PCDH15: variants seen among roughly 807,000 people sequenced by gnomAD.
PCDH15 encodes the protein protocadherin related 15, also known as protocadherin-15.
PCDH15 carries 129 observed loss-of-function variants against 178.5 expected under a neutral mutation model. That is an observed-to-expected ratio of 0.72 (90% CI 0.63 to 0.84). PCDH15 has a LOEUF of 0.84. Among genes scored for constraint, PCDH15 ranks in the 40% least tolerant of loss-of-function variants. The pLI is 0.00. For synonymous variants in PCDH15, 800 were observed against 732.0 expected, an observed-to-expected ratio of 1.09 and a Z score of -1.50; for missense variants, 2,230 against 2,099.9, an observed-to-expected ratio of 1.06 and a Z score of -1.21.
chr10:55,318,299 G>A (rs1044059702), intron 1 of PCDH15, among the ~76,000 whole-genome samples: 2 of 151,994 alleles, frequency 1.3e-5, no homozygotes, highest in Admixed American at 6.6e-5. Context: ...TCAAACTACA[G>A]GACAAATAAT....
intron 2 of PCDH15, among the ~76,000 whole-genome samples, chr10:55,528,284 T>C (rs182665803): frequency 0.011 from 1,660 of 152,148 alleles, 35 homozygotes; most frequent in African/African-American, 0.038. Flanking sequence ...CGTGCAGGTT[T>C]GTTACATATG....
intron 2 of PCDH15, among the ~76,000 whole-genome samples, chr10:55,378,146 G>A (rs967407167): frequency 3.3e-5 from 5 of 151,962 alleles, no homozygotes; most frequent in African/African-American, 7.2e-5. Context: ...ACCATGGCAC[G>A]TTTATACCTA....
At chr10:54,376,790 A>G (rs1948511257) in intron 4 of PCDH15, among the ~76,000 whole-genome samples, 1 of 151,958 alleles carries the variant, frequency 6.6e-6, no homozygotes, top group Non-Finnish European at 1.5e-5. Flanking sequence ...CGAGAGGACC[A>G]TTTAGTAAAA....
At chr10:53,864,698 C>T (rs567495977) in intron 27 of PCDH15, among the ~76,000 whole-genome samples, 1 of 152,076 alleles carries the variant, frequency 6.6e-6, no homozygotes, top group East Asian at 1.9e-4. Flanking sequence ...TTTAATAAAT[C>T]CCTGCTTTCC....
At chr10:54,848,582 A>G (rs1953554694) in intron 3 of PCDH15, among the ~76,000 whole-genome samples, 1 of 152,026 alleles carries the variant, frequency 6.6e-6, no homozygotes, top group Non-Finnish European at 1.5e-5. Flanking sequence ...TGCCTCCTCC[A>G]TCTTGGACTT....
Position 54,698,761 on chromosome 10 carries a change from A to G in PCDH15, c.-28-34471T>C, listed in dbSNP as rs764732159. Among the ~76,000 whole-genome samples the G allele has an allele frequency of 5.3e-5, 8 of 152,134 alleles. No individual in the cohort carries two copies. In the East Asian group the frequency reaches 1.3e-3, roughly 26 times the overall value. ...GTTCTAACATTATGCCTGGCACATG[A>G]TAGCCAACATTTACCTAGTGCCTTC... On this transcript the variant is annotated intron_variant, in intron 1 of 37. Coordinates refer to ENST00000644397, the MANE Select transcript of PCDH15 (RefSeq NM_001384140.1).
At chr10:54,919,389 T>C (rs16906694) in intron 2 of PCDH15, among the ~76,000 whole-genome samples, 8,670 of 152,230 alleles carry the variant, frequency 0.057, 792 homozygotes, top group African/African-American at 0.19. Context: ...CAATCTCTAT[T>C]AGCCTGAAAG....
intron 1 of PCDH15, among the ~76,000 whole-genome samples, chr10:55,252,324 T>A (rs768394609): frequency 4.6e-5 from 7 of 152,130 alleles, no homozygotes; most frequent in Non-Finnish European, 1.0e-4. Context: ...CCAACCATTC[T>A]TCAGTTATAT....
chr10:53,950,207 A>T (rs910247638), intron 23 of PCDH15, among the ~76,000 whole-genome samples: 1 of 152,004 alleles, frequency 6.6e-6, no homozygotes, highest in African/African-American at 2.4e-5. Context: ...AGAAATTGAA[A>T]AGGACTTATA....
intron 2 of PCDH15, among the ~76,000 whole-genome samples, chr10:55,083,566 T>C (rs1733750): frequency 0.41 from 62,397 of 151,542 alleles, 16,138 homozygotes; most frequent in African/African-American, 0.74. Flanking sequence ...CTAATTAGTG[T>C]AATCAGACAA....
chr10:54,253,416 C>T (rs1177895118), intron 8 of PCDH15, among the ~76,000 whole-genome samples: 1 of 151,926 alleles, frequency 6.6e-6, no homozygotes, highest in Non-Finnish European at 1.5e-5. Flanking sequence ...ACACTGTAGA[C>T]CCTACATGTA....
At chr10:54,014,800 A>G (rs973745223) in intron 20 of PCDH15, among the ~76,000 whole-genome samples, 3 of 152,170 alleles carry the variant, frequency 2.0e-5, no homozygotes, top group African/African-American at 7.2e-5. Context: ...TGCACAGCCA[A>G]CGTCACACTG....
chr10:53,810,508 A>G (rs931013327), intron 37 of PCDH15, 48 bp downstream of exon 37: 5 of 1,546,430 alleles, frequency 3.2e-6, no homozygotes, highest in South Asian at 1.1e-5. Flanking sequence ...GGGTTAAACA[A>G]TATTTTTCTT....
At chr10:55,337,715 T>C (rs1222983062) in intron 2 of PCDH15, among the ~76,000 whole-genome samples, 1 of 152,220 alleles carries the variant, frequency 6.6e-6, no homozygotes, top group Non-Finnish European at 1.5e-5. Context: ...TTGTAGGACA[T>C]GACCTTTTCA....
At chr10:53,812,231 G>A (rs1295054302) in intron 35 of PCDH15, among the ~76,000 whole-genome samples, 1 of 152,028 alleles carries the variant, frequency 6.6e-6, no homozygotes, top group African/African-American at 2.4e-5. Context: ...TTTTTGAGAC[G>A]GAGTCTCGCT....
intron 1 of PCDH15, among the ~76,000 whole-genome samples, chr10:54,726,162 C>G (rs372664331): frequency 6.6e-6 from 1 of 151,230 alleles, no homozygotes; most frequent in Non-Finnish European, 1.5e-5. Context: ...TTTTATAACC[C>G]TTTCTAAAAA....
chr10:54,321,710 G>GT (rs1239564094), intron 7 of PCDH15, among the ~76,000 whole-genome samples: 30 of 151,748 alleles, frequency 2.0e-4, no homozygotes, highest in South Asian at 2.1e-4. Flanking sequence ...TAAAGATAGT[G>GT]TATTTACAGG....
chr10:53,977,777 A>G (rs902456128), intron 21 of PCDH15, among the ~76,000 whole-genome samples: 1 of 152,318 alleles, frequency 6.6e-6, no homozygotes, highest in African/African-American at 2.4e-5. Flanking sequence ...CCTAGATACA[A>G]TGGGGGTATA....
chr10:54,195,559 A>C, intron 11 of PCDH15, 124 bp downstream of exon 11: 1 of 793,990 alleles, frequency 1.3e-6, no homozygotes, highest in Non-Finnish European at 2.1e-6. Context: ...TAACACTAAA[A>C]CTCACTTACA....
Sources: allele counts gnomAD v4.1 joint callset (sites outside exome capture counted in the v4.1 genomes callset), GRCh38; gene constraint gnomAD v4.1.1; transcripts MANE v1.5; gene names NCBI Gene and HGNC (gene_info 2026-07-23, HGNC 2026-07-21).